The following ADGRG4 variants were observed in gnomAD, a reference collection of about 807,000 sequenced individuals.
The protein encoded by ADGRG4 is G protein-coupled receptor 112.
Under a neutral mutation model 126.2 loss-of-function variants are expected in ADGRG4, and 122 were observed. The observed-to-expected ratio is 0.97, with a 90% CI of 0.83 to 1.12. The LOEUF (loss-of-function observed/expected upper bound fraction) is 1.12. ADGRG4 is among the 50% of genes most tolerant of loss of function. The pLI, the probability that ADGRG4 is intolerant of heterozygous loss-of-function variation, is 0.00. For missense variants in ADGRG4, 2,481 were observed against 2,251.8 expected (o/e 1.10, Z -2.06); for synonymous variants, 943 against 838.7 (o/e 1.12, Z -2.15).
In ADGRG4 at chrX:136,400,121, G is replaced by A. The variant is rs780384975; in HGVS notation, c.8575+5G>A. 5.2e-6 allele frequency: 6 copies of A among 1,155,303 alleles called. No homozygotes were observed. In the East Asian group the frequency reaches 1.5e-4, roughly 29 times the overall value. ...AATTTTGTCTAGTTGGTTGGGGTAA[G>A]TATATCTGCCATTGTTTTTGATATT... is the stretch of plus-strand genomic sequence containing the variant. On this transcript the variant is annotated splice_donor_5th_base_variant and intron_variant, in intron 21 of 25. Coordinates refer to ENST00000394143, the MANE Select transcript of ADGRG4 (RefSeq NM_153834.4).
intron 5 of ADGRG4, among the ~76,000 whole-genome samples, chrX:136,332,404 G>A (rs1381427160): frequency 3.0e-5 from 3 of 99,288 alleles, no homozygotes; most frequent in South Asian, 5.2e-4. Context: ...CCAGTCTATC[G>A]TTGTTGGACA....
intron 5 of ADGRG4, among the ~76,000 whole-genome samples, chrX:136,336,717 C>T (rs1333748663): frequency 8.9e-6 from 1 of 111,778 alleles, no homozygotes; most frequent in Non-Finnish European, 1.9e-5. Context: ...TACTTTCAAC[C>T]TACCTATATG....
intron 13 of ADGRG4, among the ~76,000 whole-genome samples, chrX:136,365,329 G>A (rs1265984185): frequency 2.7e-5 from 3 of 110,867 alleles, no homozygotes; most frequent in African/African-American, 9.8e-5. Context: ...CTACTTTTTT[G>A]TCTCTATGAA....
rs193129675 is a variant in ADGRG4 at position 136,348,271 on chromosome X, C to T, written c.4565C>T (p.Ala1522Val). 105 of 1,207,382 alleles carry T rather than the reference C, an allele frequency of 8.7e-5. No individual in the cohort carries two copies. The East Asian group carries it at 2.3e-3, about 27-fold the overall frequency. The change falls in exon 6 of 26, where the codon GCC becomes GTC. Residue 1522 changes from alanine to valine, a missense_variant. Physicochemically the swap from Ala to Val is moderately conservative, Grantham distance 64. Transcript: ENST00000394143. ...QMSSLPVNVT[A>V]FTSKKVSDTP... ...TCCTCATTGCCAGTTAATGTAACTG[C>T]CTTCACCTCCAAAAAAGTTTCTGAC...
intron 16 of ADGRG4, among the ~76,000 whole-genome samples, chrX:136,391,606 A>G (rs927694604): frequency 8.9e-6 from 1 of 112,449 alleles, no homozygotes; most frequent in African/African-American, 3.2e-5. Context: ...CATGAAAAGC[A>G]CATAATAAGT....
At chrX:136,328,560 T>C (rs2148454540) in intron 5 of ADGRG4, among the ~76,000 whole-genome samples, 1 of 110,682 alleles carries the variant, frequency 9.0e-6, no homozygotes, top group East Asian at 2.8e-4. Flanking sequence ...GAGTTCATCA[T>C]GGGAAATCTA....
chrX:136,397,491 C>CTT (rs1184936316), intron 19 of ADGRG4, among the ~76,000 whole-genome samples: 40 of 50,568 alleles, frequency 7.9e-4, no homozygotes, highest in African/African-American at 1.5e-3. Flanking sequence ...AGGAAAAGGA[C>CTT]TTTTTTTTTT....
intron 10 of ADGRG4, 28 bp downstream of exon 10, chrX:136,357,784 T>C (rs1467417083): frequency 3.0e-6 from 3 of 1,002,434 alleles, no homozygotes; most frequent in South Asian, 4.1e-5. Flanking sequence ...AGTTTATTAA[T>C]AGCTGGCACA....
intron 11 of ADGRG4, 108 bp downstream of exon 11, chrX:136,359,563 A>T: frequency 1.6e-6 from 1 of 623,026 alleles, no homozygotes; most frequent in Non-Finnish European, 2.4e-6. Context: ...GAGAGAAGTC[A>T]TCTTTCTGTT....
At chrX:136,395,290 A>C in intron 18 of ADGRG4, 100 bp from the exon 19 acceptor site, 1 of 457,914 alleles carries the variant, frequency 2.2e-6, no homozygotes, top group African/African-American at 2.4e-5. Context: ...TCAGCAAATA[A>C]TATTAATTAT....
At chrX:136,360,994 C>T (rs1300382826) in intron 11 of ADGRG4, among the ~76,000 whole-genome samples, 1 of 110,762 alleles carries the variant, frequency 9.0e-6, no homozygotes, top group Non-Finnish European at 1.9e-5. Context: ...TTTTTCAATT[C>T]TTATGTATTG....
rs777243940 is a variant in ADGRG4, at chrX:136,348,290, T to C, written c.4584T>C (p.Val1528=). The part of the protein sequence containing the change: ...VNVTAFTSKK[V]SDTPPIVITK... ...TAACTGCCTTCACCTCCAAAAAAGTTTCTGACACTCCCCCAATAGTGATAA... is the reference window on the plus strand; with the variant it reads ...TAACTGCCTTCACCTCCAAAAAAGTCTCTGACACTCCCCCAATAGTGATAA... The change falls in exon 6 of 26, where the codon GTT becomes GTC. Residue 1528 remains valine, a synonymous_variant. Transcript: ENST00000394143. 57 of 1,207,916 alleles carry C rather than the reference T, an allele frequency of 4.7e-5. No individual in the cohort carries two copies. Among genetic ancestry groups the C allele is most frequent in the Non-Finnish European group, 6.3e-5 (56 of 893,575 alleles).
chrX:136,331,902 C>T lies in ADGRG4; in HGVS notation c.685+8510C>T, dbSNP rs1016267534. Among the ~76,000 whole-genome samples the T allele has an allele frequency of 2.7e-4, 29 of 107,064 alleles. No individual in the cohort carries two copies. The East Asian group carries it at 4.7e-3, about 17-fold the overall frequency. 93.0% of individuals were successfully genotyped at this position (107,064 alleles called of 115,157 possible). On this transcript the variant is annotated intron_variant, in intron 5 of 25. Coordinates refer to ENST00000394143, the MANE Select transcript of ADGRG4 (RefSeq NM_153834.4). ...TGCGATCTCGGCTCACTGCAAGCTCCGCCTCCCGGGGTCACACCATTCTCC... is the reference window on the plus strand; with the variant it reads ...TGCGATCTCGGCTCACTGCAAGCTCTGCCTCCCGGGGTCACACCATTCTCC...
chrX:136,350,768 C>T, intron 6 of ADGRG4, among the ~76,000 whole-genome samples: 1 of 111,409 alleles, frequency 9.0e-6, no homozygotes, highest in Non-Finnish European at 1.9e-5. Flanking sequence ...CATCCCTTCC[C>T]AGTAAGAGAA....
chrX:136,385,346 C>G (rs1342624008), intron 15 of ADGRG4, among the ~76,000 whole-genome samples: 1 of 111,560 alleles, frequency 9.0e-6, no homozygotes, highest in Non-Finnish European at 1.9e-5. Context: ...ACTATAGTAA[C>G]CTTTTTACTC....
intron 23 of ADGRG4, among the ~76,000 whole-genome samples, chrX:136,406,443 A>G (rs1382196226): frequency 3.6e-5 from 4 of 112,550 alleles, no homozygotes; most frequent in Non-Finnish European, 7.5e-5. Context: ...GGGAAAGGCC[A>G]AGGTTGTAGC....
intron 5 of ADGRG4, among the ~76,000 whole-genome samples, chrX:136,327,264 G>C (rs1037971006): frequency 9.0e-6 from 1 of 110,614 alleles, no homozygotes; most frequent in East Asian, 2.8e-4. Context: ...GTATGTGCAT[G>C]AGTGTGTACA....
intron 2 of ADGRG4, among the ~76,000 whole-genome samples, chrX:136,304,506 C>A (rs1328314552): frequency 1.8e-5 from 2 of 111,916 alleles, no homozygotes; most frequent in South Asian, 3.7e-4. Flanking sequence ...ATAAATAATT[C>A]TCCTCTAAAT....
chrX:136,351,601 T>C lies in ADGRG4; in HGVS notation c.6822+60T>C, dbSNP rs945746139. Reference sequence around the variant, plus strand: ...AAATATATGTGAATATATACATTTATATATATGACAGAATATATTAAAACT... The same window carrying C: ...AAATATATGTGAATATATACATTTACATATATGACAGAATATATTAAAACT... On this transcript the variant is annotated intron_variant, in intron 7 of 25. Coordinates refer to ENST00000394143, the MANE Select transcript of ADGRG4 (RefSeq NM_153834.4). The C allele has an allele frequency of 1.3e-5, 6 of 477,499 alleles. No homozygotes were observed. In the East Asian group the frequency reaches 1.3e-4, roughly 11 times the overall value. The allele number at this position is 477,499 out of a possible 1,213,427, so 39.4% of individuals were successfully genotyped here. A position where few individuals can be genotyped will look rare whatever the true frequency, so the allele number is the denominator to read the frequency against.
Sources: gnomAD v4.1 joint callset for allele counts (sites outside exome capture counted in the v4.1 genomes callset) on GRCh38, gnomAD v4.1.1 for gene constraint, MANE v1.5 for transcripts, NCBI Gene and HGNC (gene_info 2026-07-23, HGNC 2026-07-21) for gene names.